Variants in CHODL observed in about 807,000 individuals in gnomAD.
CHODL encodes chondrolectin.
Under a neutral mutation model 34.5 loss-of-function variants are expected in CHODL, and 29 were observed. That is an observed-to-expected ratio of 0.84 (90% confidence interval 0.63 to 1.15). The LOEUF (loss-of-function observed/expected upper bound fraction) is 1.15, where lower values mean the gene tolerates loss of function less well. Ranked by LOEUF, CHODL falls within the 50% of genes most tolerant of loss-of-function variation. The pLI, the probability that CHODL is intolerant of heterozygous loss-of-function variation, is 0.00. For synonymous variants in CHODL, 125 were observed against 116.1 expected (o/e 1.08, Z -0.49); for missense variants, 332 against 332.5 (o/e 1.00, Z 0.01).
rs150819918 is a variant in CHODL at position 17,973,495 on chromosome 21, C to T, written c.-144-54377C>T. Among the ~76,000 whole-genome samples, 1,078 of 148,958 alleles carry T rather than the reference C, an allele frequency of 7.2e-3. 25 individuals carry two copies. Among genetic ancestry groups the T allele is most frequent in the African/African-American group, 0.025 (1,007 of 40,492 alleles). ...GCAATGGCTCAATCTCGGCTCACTG[C>T]GAGCTCTGCCTTCCGAGTTCACGCC... On this transcript the variant is annotated intron_variant, in intron 1 of 6. Coordinates refer to the CHODL transcript ENST00000400127.
At chr21:18,192,271 A>T (rs2073519991) in intron 2 of CHODL, among the ~76,000 whole-genome samples, 1 of 152,170 alleles carries the variant, frequency 6.6e-6, no homozygotes, top group Non-Finnish European at 1.5e-5. Flanking sequence ...ATTTTTATGA[A>T]GGGTATCCAG....
chr21:18,021,453 C>T lies in CHODL; in HGVS notation c.-144-6419C>T, dbSNP rs557737640. On this transcript the variant is annotated intron_variant, in intron 1 of 6. Transcript: ENST00000400127. ...GTCCAGCAAACAGTTTCCTTCCAGA[C>T]TGAGAAAAGGTAACATGGGGCTTGT... Among the ~76,000 whole-genome samples the T allele has an allele frequency of 2.0e-5, 3 of 152,304 alleles. No homozygotes were observed. The South Asian group carries it at 6.2e-4, about 32-fold the overall frequency.
intron 1 of CHODL, among the ~76,000 whole-genome samples, chr21:17,949,062 C>T (rs1858352688): frequency 6.6e-6 from 1 of 152,136 alleles, no homozygotes; most frequent in African/African-American, 2.4e-5. Flanking sequence ...CAGCTGACCT[C>T]TTTTGTTTAC....
At chr21:18,217,454 C>T (rs1053086030) in intron 2 of CHODL, among the ~76,000 whole-genome samples, 2 of 152,070 alleles carry the variant, frequency 1.3e-5, no homozygotes, top group African/African-American at 4.8e-5. Context: ...CTCAGGAGAA[C>T]TCACTTATTA....
At chr21:17,977,718 A>T (rs1156952408) in intron 1 of CHODL, among the ~76,000 whole-genome samples, 17 of 146,010 alleles carry the variant, frequency 1.2e-4, no homozygotes, top group African/African-American at 4.0e-4. Flanking sequence ...AGAGATCGAG[A>T]CCATCCTGGC....
intron 2 of CHODL, among the ~76,000 whole-genome samples, chr21:18,068,664 A>C (rs1047703747): frequency 6.6e-6 from 1 of 152,068 alleles, no homozygotes; most frequent in East Asian, 1.9e-4. Context: ...TCTTACTTGC[A>C]TCTGTGCATT....
intron 1 of CHODL, among the ~76,000 whole-genome samples, chr21:17,926,727 A>G (rs2063226184): frequency 2.0e-5 from 3 of 152,186 alleles, no homozygotes; most frequent in Admixed American, 1.3e-4. Flanking sequence ...TATAGGGATT[A>G]CAATTCAAGA....
intron 2 of CHODL, among the ~76,000 whole-genome samples, chr21:18,090,304 C>T (rs958793851): frequency 1.3e-5 from 2 of 152,110 alleles, no homozygotes; most frequent in African/African-American, 4.8e-5. Context: ...TGTCTTTTGT[C>T]TATTTAGGAG....
chr21:17,926,706 G>T (rs2063225982), intron 1 of CHODL, among the ~76,000 whole-genome samples: 1 of 152,120 alleles, frequency 6.6e-6, no homozygotes, highest in Non-Finnish European at 1.5e-5. Context: ...TCCCGCCCTT[G>T]ACACGTGGAT....
At chr21:18,061,426 G>A (rs906485363) in intron 2 of CHODL, among the ~76,000 whole-genome samples, 2 of 152,192 alleles carry the variant, frequency 1.3e-5, no homozygotes, top group African/African-American at 4.8e-5. Context: ...GAGTTTAGAT[G>A]AAGAGGCTGA....
chr21:18,142,784 A>G (rs201498507), intron 2 of CHODL, among the ~76,000 whole-genome samples: 1 of 152,164 alleles, frequency 6.6e-6, no homozygotes, highest in East Asian at 1.9e-4. Flanking sequence ...CTGTTTTCTG[A>G]CAAATATATG....
chr21:18,215,311 C>T (rs1297573941), intron 2 of CHODL, among the ~76,000 whole-genome samples: 3 of 152,134 alleles, frequency 2.0e-5, no homozygotes, highest in Admixed American at 1.3e-4. Context: ...CTACAAACTT[C>T]CACCTCAGGA....
intron 2 of CHODL, among the ~76,000 whole-genome samples, chr21:18,238,346 G>A (rs754605869): frequency 2.6e-5 from 4 of 152,096 alleles, no homozygotes; most frequent in Non-Finnish European, 5.9e-5. Flanking sequence ...ATCATGGTGG[G>A]AGGCAAAAGG....
In CHODL at chr21:18,002,922, G is replaced by C. The variant is rs1034157280; in HGVS notation, c.-144-24950G>C. Among the ~76,000 whole-genome samples, 3 of 152,006 alleles carry C rather than the reference G, an allele frequency of 2.0e-5. No homozygotes were observed. In the East Asian group the frequency reaches 5.8e-4, roughly 29 times the overall value. On this transcript the variant is annotated intron_variant, in intron 1 of 6. Coordinates refer to the CHODL transcript ENST00000400127. The stretch of plus-strand genomic sequence containing the variant: ...GCGGATCATAAGGTCAGGAGATCGA[G>C]ACCATCCGGGCTAACACGGTGAAAC...
chr21:17,969,505 G>A (rs2063597777), intron 1 of CHODL, among the ~76,000 whole-genome samples: 1 of 152,172 alleles, frequency 6.6e-6, no homozygotes, highest in African/African-American at 2.4e-5. Flanking sequence ...TAGCCTAAAT[G>A]CTGAATTAAG....
chr21:18,151,157 A>G (rs1315953774), intron 2 of CHODL, among the ~76,000 whole-genome samples: 2 of 151,546 alleles, frequency 1.3e-5, no homozygotes, highest in Non-Finnish European at 2.9e-5. Context: ...AAGATTCCCC[A>G]TTTCAGAAAT....
At chr21:18,169,412 A>T (rs536499949) in intron 2 of CHODL, among the ~76,000 whole-genome samples, 2 of 151,318 alleles carry the variant, frequency 1.3e-5, no homozygotes, top group Non-Finnish European at 3.0e-5. Flanking sequence ...TAATCTAGCT[A>T]AAGTTTTGCC....
At chr21:17,953,595 T>G (rs2063475275) in intron 1 of CHODL, among the ~76,000 whole-genome samples, 2 of 152,096 alleles carry the variant, frequency 1.3e-5, no homozygotes, top group African/African-American at 4.8e-5. Context: ...GAAAATCAAA[T>G]TGCAAATGGT....
intron 2 of CHODL, among the ~76,000 whole-genome samples, chr21:18,116,319 CT>C (rs898915071): frequency 5.3e-5 from 8 of 152,132 alleles, no homozygotes; most frequent in Admixed American, 3.9e-4. Context: ...CTCTCTTTCT[CT>C]TTTCTCTTTT....
Sources: allele counts gnomAD v4.1 joint callset (sites outside exome capture counted in the v4.1 genomes callset), GRCh38; gene constraint gnomAD v4.1.1; transcripts MANE v1.5; gene names NCBI Gene and HGNC (gene_info 2026-07-23, HGNC 2026-07-21).